PCDHGA3: variants seen among roughly 807,000 people sequenced by gnomAD.
PCDHGA3 encodes protocadherin gamma subfamily A, 3.
Under a neutral mutation model 58.5 loss-of-function variants are expected in PCDHGA3, and 40 were observed. That is an observed-to-expected ratio of 0.68 (90% CI 0.53 to 0.89). The LOEUF is 0.89. PCDHGA3 is among the 40% of genes least tolerant of loss of function. The pLI, the probability that PCDHGA3 is intolerant of heterozygous loss-of-function variation, is 0.00. For missense variants in PCDHGA3, 1,223 were observed against 1,195.9 expected (o/e 1.02, Z -0.33); for synonymous variants, 530 against 525.7 (o/e 1.01, Z -0.11).
At position 141,450,006 on chromosome 5, in the gene PCDHGA3, C is replaced by CTAT. The variant is rs70988802; in HGVS notation, c.2425-44800_2425-44799insATT. ...CACATTGCATTTAGTTGCCATGTCT[C>CTAT]TTTTTTTTTTTTTTTTTTGAGACAG... On this transcript the variant is annotated intron_variant, in intron 1 of 3. Transcript: ENST00000253812. Among the ~76,000 whole-genome samples the CTAT allele has an allele frequency of 2.5e-4, 33 of 132,964 alleles. 6 individuals are homozygous for CTAT. Among genetic ancestry groups the CTAT allele is most frequent in the Non-Finnish European group, 2.9e-4 (18 of 62,916 alleles). The allele number at this position is 132,964 out of a possible 152,430, so 87.2% of individuals were successfully genotyped here. A position where few individuals can be genotyped will look rare whatever the true frequency, so the allele number is the denominator to read the frequency against.
intron 2 of PCDHGA3, among the ~76,000 whole-genome samples, chr5:141,497,552 T>C (rs2099777669): frequency 6.6e-6 from 1 of 151,386 alleles, no homozygotes; most frequent in Non-Finnish European, 1.5e-5. Context: ...TTTTTTTTTT[T>C]TTTTTTAGAC....
chr5:141,504,763 C>G (rs1057360921), intron 2 of PCDHGA3, among the ~76,000 whole-genome samples: 5 of 152,018 alleles, frequency 3.3e-5, no homozygotes, highest in African/African-American at 1.2e-4. Context: ...AATTTCTTCT[C>G]CCTGCTCCAG....
intron 1 of PCDHGA3, among the ~76,000 whole-genome samples, chr5:141,464,397 C>T (rs1352852782): frequency 1.3e-5 from 2 of 150,158 alleles, no homozygotes; most frequent in Non-Finnish European, 3.0e-5. Context: ...TAATGAAGAA[C>T]CTGAGATATA....
chr5:141,486,137 G>A lies in PCDHGA3; in HGVS notation c.2425-8670G>A, dbSNP rs1187526031. 1 of 1,614,074 alleles carries A rather than the reference G, an allele frequency of 6.2e-7. No individual in the cohort carries two copies. On this transcript the variant is annotated intron_variant, in intron 1 of 3. Coordinates refer to ENST00000253812, the MANE Select transcript of PCDHGA3 (RefSeq NM_018916.4). The surrounding 1 kb of genome is among the most constrained non-coding windows in gnomAD (Gnocchi z 5.0). ...GAATTACTATGAATTTGATGTGCGGGCTCGCGATGGGGGTTCTCCAGCCAT... is the reference window on the plus strand; with the variant it reads ...GAATTACTATGAATTTGATGTGCGGACTCGCGATGGGGGTTCTCCAGCCAT...
At chr5:141,418,817 G>A (rs2154547923) in intron 1 of PCDHGA3, 1 of 1,613,882 alleles carries the variant, frequency 6.2e-7, no homozygotes, top group Non-Finnish European at 8.5e-7. Flanking sequence ...GATAAACATA[G>A]AAGCAAAAGA....
intron 1 of PCDHGA3, chr5:141,394,562 G>A (rs1381162611): frequency 2.5e-6 from 4 of 1,614,088 alleles, no homozygotes; most frequent in Admixed American, 3.3e-5. Flanking sequence ...GCTCCGCAGA[G>A]CGTGGCTACC....
At chr5:141,424,628 A>C (rs962512805) in intron 1 of PCDHGA3, 3 of 152,348 alleles carry the variant, frequency 2.0e-5, no homozygotes, top group African/African-American at 7.2e-5. Flanking sequence ...GTTTGTGAAT[A>C]TATAAATAGA....
In PCDHGA3 at chr5:141,490,413, G is replaced by C. The variant is rs2233606; in HGVS notation, c.2425-4394G>C. 6 of 1,614,128 alleles carry C rather than the reference G, an allele frequency of 3.7e-6. No individual in the cohort carries two copies. In the South Asian group the frequency reaches 4.4e-5, roughly 12 times the overall value. On this transcript the variant is annotated intron_variant, in intron 1 of 3. Transcript: ENST00000253812. The surrounding 1 kb of genome is among the most constrained non-coding windows in gnomAD (Gnocchi z 5.4). ...GTGAAGTGAGCCTTGATATCTCTCCGGACCTGCCATTTCAGATTAAGCCTT... is the reference window on the plus strand; with the variant it reads ...GTGAAGTGAGCCTTGATATCTCTCCCGACCTGCCATTTCAGATTAAGCCTT...
chr5:141,423,053 T>C lies in PCDHGA3; in HGVS notation c.2425-71754T>C, dbSNP rs200154593. 1.4e-4 allele frequency: 219 copies of C among 1,614,170 alleles called. 1 individual carries two copies. The African/African-American group carries it at 2.5e-3, about 18-fold the overall frequency. ...CAGAACGCCTGGCTGTCCTATCGCCTGCTTAAGGCCAGCGAGCCGGGACTC... is the reference window on the plus strand; with the variant it reads ...CAGAACGCCTGGCTGTCCTATCGCCCGCTTAAGGCCAGCGAGCCGGGACTC... On this transcript the variant is annotated intron_variant, in intron 1 of 3. Coordinates refer to ENST00000253812, the MANE Select transcript of PCDHGA3 (RefSeq NM_018916.4).
At chr5:141,412,100 C>G (rs1041242156) in intron 1 of PCDHGA3, 2 of 152,180 alleles carry the variant, frequency 1.3e-5, no homozygotes, top group Non-Finnish European at 2.9e-5. Context: ...TGGGCACACA[C>G]AGTTGAAGAT....
At chr5:141,423,318 G>T (rs1165459779) in intron 1 of PCDHGA3, 17 of 1,614,006 alleles carry the variant, frequency 1.1e-5, no homozygotes, top group South Asian at 8.8e-5. Context: ...TGGTGGTGGC[G>T]GTGGCCGCAG....
intron 1 of PCDHGA3, among the ~76,000 whole-genome samples, chr5:141,438,149 A>G (rs1441404688): frequency 6.6e-6 from 1 of 152,220 alleles, no homozygotes; most frequent in African/African-American, 2.4e-5. Context: ...TAGCCAGCCT[A>G]TGGCAAAGCT....
intron 1 of PCDHGA3, among the ~76,000 whole-genome samples, chr5:141,458,988 C>G (rs996478276): frequency 6.6e-6 from 1 of 152,208 alleles, no homozygotes; most frequent in African/African-American, 2.4e-5. Flanking sequence ...CTGCCTCACC[C>G]TCCCAAAGTG....
intron 1 of PCDHGA3, chr5:141,423,431 G>T: frequency 6.2e-7 from 1 of 1,614,010 alleles, no homozygotes; most frequent in South Asian, 1.1e-5. Context: ...GGGTTGGCAG[G>T]TATGCCCACG....
At chr5:141,492,974 C>G (rs1479838959) in intron 1 of PCDHGA3, among the ~76,000 whole-genome samples, 1 of 152,244 alleles carries the variant, frequency 6.6e-6, no homozygotes, top group Non-Finnish European at 1.5e-5. Flanking sequence ...CTAACAAGTC[C>G]TGTCTCCTCT....
intron 1 of PCDHGA3, chr5:141,403,017 T>C: frequency 6.2e-7 from 1 of 1,614,064 alleles, no homozygotes; most frequent in South Asian, 1.1e-5. Context: ...CTCCTGGGGA[T>C]GCTATGGGAG....
chr5:141,392,713 G>C, intron 1 of PCDHGA3: 1 of 1,363,444 alleles, frequency 7.3e-7, no homozygotes, highest in Non-Finnish European at 9.6e-7. Flanking sequence ...AGGCACTCCA[G>C]GTTTCCGGAG....
intron 1 of PCDHGA3, chr5:141,405,281 G>A (rs1001215863): frequency 1.2e-6 from 2 of 1,614,158 alleles, no homozygotes; most frequent in Non-Finnish European, 1.7e-6. Flanking sequence ...CAACTATGCA[G>A]ACACACTCAT....
At chr5:141,363,691 T>C (rs927918619) in intron 1 of PCDHGA3, among the ~76,000 whole-genome samples, 2 of 152,250 alleles carry the variant, frequency 1.3e-5, no homozygotes, top group Non-Finnish European at 2.9e-5. Flanking sequence ...ATAACTTACA[T>C]AAATCAGTAG....
Sources: gnomAD v4.1 joint callset for allele counts (sites outside exome capture counted in the v4.1 genomes callset) on GRCh38, gnomAD v4.1.1 for gene constraint, Gnocchi (gnomAD v3.1) non-coding constraint, MANE v1.5 for transcripts, NCBI Gene and HGNC (gene_info 2026-07-23, HGNC 2026-07-21) for gene names.